The following GLYATL2 variants were observed in gnomAD, a reference collection of about 807,000 sequenced individuals.
GLYATL2 encodes the protein glycine N-acyltransferase-like protein 2.
A neutral mutation model predicts 21.4 loss-of-function variants in GLYATL2; 25 were observed. The ratio of observed to expected loss-of-function variants is 1.17; its 90% CI spans 0.85 to 1.63. The LOEUF is 1.63. Among genes scored for constraint, GLYATL2 ranks in the 40% most tolerant of loss-of-function variants. The probability of loss-of-function intolerance (pLI) is 0.00; values close to 1 mark genes in which losing one functional copy is unlikely to be tolerated. For missense variants in GLYATL2, 361 were observed against 343.3 expected (o/e 1.05, Z -0.41); for synonymous variants, 114 against 118.2 (o/e 0.96, Z 0.23).
intron 1 of GLYATL2, among the ~76,000 whole-genome samples, chr11:58,860,908 C>T (rs1178277682): frequency 6.6e-6 from 1 of 151,998 alleles, no homozygotes; most frequent in Non-Finnish European, 1.5e-5. Context: ...ATTTATAGAA[C>T]TGTACGTTGA....
At chr11:58,886,144 G>T (rs183887337) in intron 1 of GLYATL2, among the ~76,000 whole-genome samples, 1 of 152,162 alleles carries the variant, frequency 6.6e-6, no homozygotes, top group Non-Finnish European at 1.5e-5. Flanking sequence ...TGAGCCCCAG[G>T]AGGTCGAGGT....
rs1853958989 is a variant in GLYATL2, at chr11:58,863,011, G to T, written n.61-24643C>A. Among the ~76,000 whole-genome samples the T allele has an allele frequency of 2.6e-5, 4 of 152,218 alleles. No individual in the cohort carries two copies. In the South Asian group the frequency reaches 8.3e-4, roughly 31 times the overall value. ...GTAGGGTGTCTGTTGTGGTCTGCAGGTGAACTTGTTGCTGAAGTCTTCAGG... is the reference window on the plus strand; with the variant it reads ...GTAGGGTGTCTGTTGTGGTCTGCAGTTGAACTTGTTGCTGAAGTCTTCAGG... On this transcript the variant is annotated intron_variant and non_coding_transcript_variant, in intron 1 of 4. Transcript: ENST00000533636.
intron 1 of GLYATL2, among the ~76,000 whole-genome samples, chr11:58,859,826 T>A (rs1853900017): frequency 6.6e-6 from 1 of 152,202 alleles, no homozygotes; most frequent in Admixed American, 6.5e-5. Context: ...ATTTCAATTT[T>A]CCAAATGTGG....
At chr11:58,898,352 T>A (rs1279928130) in intron 1 of GLYATL2, among the ~76,000 whole-genome samples, 1 of 152,218 alleles carries the variant, frequency 6.6e-6, no homozygotes, top group Non-Finnish European at 1.5e-5. Context: ...CCTTGCAGTG[T>A]GTCTCTTCTA....
At chr11:58,879,060 A>C (rs1367663779) in intron 1 of GLYATL2, among the ~76,000 whole-genome samples, 1 of 152,152 alleles carries the variant, frequency 6.6e-6, no homozygotes, top group Admixed American at 6.5e-5. Context: ...TTTTTCCTCT[A>C]CCTTATAAAA....
chr11:58,877,792 T>C (rs1854264158), intron 1 of GLYATL2, among the ~76,000 whole-genome samples: 1 of 152,230 alleles, frequency 6.6e-6, no homozygotes, highest in African/African-American at 2.4e-5. Flanking sequence ...AGATAGCATG[T>C]ATAGACAATA....
chr11:58,881,049 T>C (rs1324796241), intron 1 of GLYATL2, among the ~76,000 whole-genome samples: 1 of 152,238 alleles, frequency 6.6e-6, no homozygotes, highest in African/African-American at 2.4e-5. Context: ...TTCACATTTT[T>C]AATTATTTTT....
intron 1 of GLYATL2, among the ~76,000 whole-genome samples, chr11:58,869,542 AT>A (rs1372191634): frequency 6.6e-6 from 1 of 152,216 alleles, no homozygotes; most frequent in Non-Finnish European, 1.5e-5. Flanking sequence ...GTGAGACTGT[AT>A]TACTATCTCG....
chr11:58,862,063 A>AC (rs993204626), intron 1 of GLYATL2, among the ~76,000 whole-genome samples: 244 of 4,714 alleles, frequency 0.052, 2 homozygotes, highest in African/African-American at 0.055. Flanking sequence ...AAACAAACAA[A>AC]AAAAAACAGA....
At chr11:58,903,428 A>G (rs1854772555) in intron 1 of GLYATL2, among the ~76,000 whole-genome samples, 1 of 152,126 alleles carries the variant, frequency 6.6e-6, no homozygotes, top group Non-Finnish European at 1.5e-5. Context: ...ACCACAGCAC[A>G]TTGGAAGGCT....
At chr11:58,897,550 C>A (rs1340683032) in intron 1 of GLYATL2, among the ~76,000 whole-genome samples, 1 of 152,130 alleles carries the variant, frequency 6.6e-6, no homozygotes, top group Non-Finnish European at 1.5e-5. Flanking sequence ...CCAACCAACA[C>A]ACACACGGAC....
intron 1 of GLYATL2, among the ~76,000 whole-genome samples, chr11:58,871,940 C>A (rs986474765): frequency 1.3e-5 from 2 of 152,196 alleles, no homozygotes; most frequent in African/African-American, 4.8e-5. Flanking sequence ...TCCTCTCCAG[C>A]ACCTGTTGTT....
chr11:58,849,852 G>A (rs1194783274), intron 1 of GLYATL2, among the ~76,000 whole-genome samples: 1 of 152,000 alleles, frequency 6.6e-6, no homozygotes, highest in African/African-American at 2.4e-5. Flanking sequence ...AGGTTGATGG[G>A]TGCAGCAAAC....
chr11:58,840,856 A>AAAATAAAAT (rs1277109779), intron 1 of GLYATL2: 1 of 148,602 alleles, frequency 6.7e-6, no homozygotes, highest in Non-Finnish European at 1.5e-5. Flanking sequence ...AAAATAAAAT[A>AAAATAAAAT]AAATAAAATA....
intron 1 of GLYATL2, chr11:58,893,074 G>C (rs928153036): frequency 2.5e-6 from 1 of 395,660 alleles, no homozygotes; most frequent in Admixed American, 3.5e-5. Context: ...TGCCAAGCTG[G>C]GTGTCTCTTA....
chr11:58,854,116 G>A (rs1175898993), intron 1 of GLYATL2, among the ~76,000 whole-genome samples: 2 of 152,134 alleles, frequency 1.3e-5, no homozygotes, highest in Non-Finnish European at 2.9e-5. Context: ...TCATCTATGT[G>A]GTTTCAAATG....
At chr11:58,876,946 G>A (rs1434526050) in intron 1 of GLYATL2, among the ~76,000 whole-genome samples, 1 of 152,268 alleles carries the variant, frequency 6.6e-6, no homozygotes, top group Non-Finnish European at 1.5e-5. Flanking sequence ...CCCAGTTCGA[G>A]CTTCCAGGCC....
chr11:58,908,106 T>A (rs556149765), upstream of GLYATL2: 1 of 152,480 alleles, frequency 6.6e-6, no homozygotes, highest in South Asian at 2.1e-4. Flanking sequence ...TGTGCTCCTG[T>A]GGCGCTCTTC....
At chr11:58,871,326 C>A (rs1377467928) in intron 1 of GLYATL2, among the ~76,000 whole-genome samples, 1 of 151,678 alleles carries the variant, frequency 6.6e-6, no homozygotes, top group Admixed American at 6.6e-5. Flanking sequence ...GGTACATGTG[C>A]ACAACGTGCA....
Sources: allele counts gnomAD v4.1 joint callset (sites outside exome capture counted in the v4.1 genomes callset), GRCh38; gene constraint gnomAD v4.1.1; transcripts MANE v1.5; gene names NCBI Gene and HGNC (gene_info 2026-07-23, HGNC 2026-07-21).